The following SLC9B2 variants were observed in gnomAD, a reference collection of about 807,000 sequenced individuals.
SLC9B2 encodes sodium/hydrogen exchanger 9B2.
A neutral mutation model predicts 52.2 loss-of-function variants in SLC9B2; 39 were observed. The ratio of observed to expected loss-of-function variants is 0.75; its 90% CI spans 0.58 to 0.98. The LOEUF (loss-of-function observed/expected upper bound fraction) is 0.98. SLC9B2 is among the 50% of genes least tolerant of loss of function. SLC9B2 has a pLI of 0.00. For missense variants in SLC9B2, 626 were observed against 637.5 expected, an observed-to-expected ratio of 0.98 and a Z score of 0.19; for synonymous variants, 214 against 227.0, an observed-to-expected ratio of 0.94 and a Z score of 0.51.
intron 6 of SLC9B2, among the ~76,000 whole-genome samples, chr4:103,048,220 T>G (rs900829167): frequency 1.4e-4 from 22 of 152,200 alleles, no homozygotes; most frequent in African/African-American, 5.3e-4. Flanking sequence ...TTTACACGTA[T>G]TCACTAATTT....
Position 103,049,037 on chromosome 4 carries a change from G to A in SLC9B2, c.586-17C>T, listed in dbSNP as rs1162052715. On this transcript the variant is annotated splice_polypyrimidine_tract_variant and intron_variant, in intron 5 of 11. Coordinates refer to ENST00000394785, the MANE Select transcript of SLC9B2 (RefSeq NM_178833.7). ...CTTCAGGGCCTGAAATAGAAAAGTAGACATCCTAATATAATCCTCTGAAGA... is the reference window on the plus strand; with the variant it reads ...CTTCAGGGCCTGAAATAGAAAAGTAAACATCCTAATATAATCCTCTGAAGA... 6.8e-6 allele frequency: 11 copies of A among 1,611,674 alleles called. No individual in the cohort carries two copies. The highest frequency in any genetic ancestry group is 5.9e-6 in the Non-Finnish European group (7 of 1,178,794).
downstream of SLC9B2, chr4:103,020,033 G>C (rs1560535876): frequency 3.3e-6 from 2 of 603,824 alleles, no homozygotes; most frequent in Admixed American, 6.1e-5. Flanking sequence ...AGAAGAGCAC[G>C]GTCTCTCCCC....
chr4:103,055,994 C>T (rs543797230), intron 4 of SLC9B2, among the ~76,000 whole-genome samples: 8 of 151,550 alleles, frequency 5.3e-5, no homozygotes, highest in South Asian at 2.1e-4. Flanking sequence ...TTAGTAGAGA[C>T]GGGATTTTAC....
chr4:103,063,402 T>C (rs890463927), intron 3 of SLC9B2, among the ~76,000 whole-genome samples: 3 of 152,292 alleles, frequency 2.0e-5, no homozygotes, highest in Non-Finnish European at 4.4e-5. Context: ...TTGTCCCAGA[T>C]GATAATGGTA....
At position 103,024,910 on chromosome 4, in the gene SLC9B2, T is replaced by C. The variant is rs1394532346; in HGVS notation, c.*1460A>G. 2.0e-5 allele frequency among the ~76,000 whole-genome samples: 3 copies of C among 152,228 alleles called. No homozygotes were observed. The East Asian group carries it at 5.8e-4, about 29-fold the overall frequency. ...TTCTAATATTTTCTCTGCTGGCAAG[T>C]CACAATTTCTGAAATCCCTGCCATA... is the stretch of plus-strand genomic sequence containing the variant. On this transcript the variant is annotated 3_prime_UTR_variant, in exon 12 of 12. Coordinates refer to ENST00000394785, the MANE Select transcript of SLC9B2 (RefSeq NM_178833.7).
At position 103,067,596 on chromosome 4, in the gene SLC9B2, T is replaced by C. The variant is rs535506721; in HGVS notation, c.-42-4A>G. On this transcript the variant is annotated splice_region_variant and splice_polypyrimidine_tract_variant and intron_variant, in intron 1 of 11. Coordinates refer to ENST00000394785, the MANE Select transcript of SLC9B2 (RefSeq NM_178833.7). ...ACACAGGGAAGAGGAACGAGATCTGTTTTGAAAGAGTATAGATATAGAGCA... is the reference window on the plus strand; with the variant it reads ...ACACAGGGAAGAGGAACGAGATCTGCTTTGAAAGAGTATAGATATAGAGCA... 2.7e-5 allele frequency: 38 copies of C among 1,419,350 alleles called. No individual in the cohort carries two copies. Among genetic ancestry groups the C allele is most frequent in the Admixed American group, 2.5e-4 (15 of 59,558 alleles). 87.9% of individuals were successfully genotyped at this position (1,419,350 alleles called of 1,614,324 possible).
At chr4:103,051,572 T>C (rs1370839923) in intron 4 of SLC9B2, among the ~76,000 whole-genome samples, 1 of 152,156 alleles carries the variant, frequency 6.6e-6, no homozygotes, top group Non-Finnish European at 1.5e-5. Context: ...ACAGGCTTGG[T>C]TTTTGGAAGA....
At chr4:103,042,868 G>A (rs1743757844) in intron 9 of SLC9B2, among the ~76,000 whole-genome samples, 1 of 150,894 alleles carries the variant, frequency 6.6e-6, no homozygotes, top group Admixed American at 6.6e-5. Context: ...AGAATGTTAT[G>A]TTATCGTTTA....
intron 9 of SLC9B2, among the ~76,000 whole-genome samples, chr4:103,034,579 CT>C (rs879065859): frequency 6.6e-6 from 1 of 151,928 alleles, no homozygotes; most frequent in South Asian, 2.1e-4. Context: ...TGTCCAGAAT[CT>C]TTAAGAAACT....
intron 4 of SLC9B2, among the ~76,000 whole-genome samples, chr4:103,054,616 C>T (rs1236378141): frequency 6.6e-6 from 1 of 152,178 alleles, no homozygotes; most frequent in Non-Finnish European, 1.5e-5. Flanking sequence ...AATGAATAAA[C>T]GTGGGTGGGT....
At chr4:103,053,848 G>T (rs1429296849) in intron 4 of SLC9B2, among the ~76,000 whole-genome samples, 1 of 152,152 alleles carries the variant, frequency 6.6e-6, no homozygotes, top group Non-Finnish European at 1.5e-5. Context: ...GGCTACAGGT[G>T]TGGGCCAACC....
intron 4 of SLC9B2, among the ~76,000 whole-genome samples, chr4:103,054,853 A>G (rs1744985314): frequency 6.6e-6 from 1 of 152,216 alleles, no homozygotes; most frequent in South Asian, 2.1e-4. Context: ...ATCTAGAACT[A>G]GAAATACCAT....
Position 103,025,386 on chromosome 4 carries a change from A to T in SLC9B2, c.*984T>A, listed in dbSNP as rs1178397902. 1.3e-5 allele frequency: 2 copies of T among 152,210 alleles called. No individual in the cohort carries two copies. Among genetic ancestry groups the T allele is most frequent in the African/African-American group, 4.8e-5 (2 of 41,448 alleles). The allele number at this position is 152,210 out of a possible 1,614,324, so 9.4% of individuals were successfully genotyped here. A position where few individuals can be genotyped will look rare whatever the true frequency, so the allele number is the denominator to read the frequency against. On this transcript the variant is annotated 3_prime_UTR_variant, in exon 12 of 12. Coordinates refer to ENST00000394785, the MANE Select transcript of SLC9B2 (RefSeq NM_178833.7). The stretch of plus-strand genomic sequence containing the variant: ...ACCTCTGGCATAAATAGGTTAAGCC[A>T]TGTCCTAAGCTAGGGAATGGCAGAG...
chr4:103,070,449 T>C (rs904695171), intron 1 of SLC9B2, among the ~76,000 whole-genome samples: 3 of 152,220 alleles, frequency 2.0e-5, no homozygotes, highest in Non-Finnish European at 4.4e-5. Flanking sequence ...TGTTTGTTTG[T>C]TTGATTTTTG....
chr4:103,030,102 G>T (rs1742565302), intron 10 of SLC9B2, among the ~76,000 whole-genome samples: 1 of 152,224 alleles, frequency 6.6e-6, no homozygotes, highest in East Asian at 1.9e-4. Flanking sequence ...TTGAGAAGAG[G>T]ATGAGAAGGA....
At chr4:103,050,908 C>G (rs1419095728) in intron 4 of SLC9B2, among the ~76,000 whole-genome samples, 1 of 152,224 alleles carries the variant, frequency 6.6e-6, no homozygotes, top group Non-Finnish European at 1.5e-5. Flanking sequence ...TCTTCTTTCA[C>G]TCAGTCATTC....
In SLC9B2 at chr4:103,048,997, A is replaced by C. The variant is rs1219954167; in HGVS notation, c.609T>G (p.Val203=). The change falls in exon 6 of 12, where the codon GTT becomes GTG. Residue 203 remains valine, a synonymous_variant. Transcript: ENST00000394785. ...AGGGACCCATGGACAGTCTTACACAAACGCCCTTTAACTTCTTCAGGGCCT... is the reference window on the plus strand; with the variant it reads ...AGGGACCCATGGACAGTCTTACACACACGCCCTTTAACTTCTTCAGGGCCT... The part of the protein sequence containing the change: ...DSKALKKLKG[V]CVRLSMGPCI... 1.2e-6 allele frequency: 2 copies of C among 1,613,200 alleles called. No homozygotes were observed. Among genetic ancestry groups the C allele is most frequent in the Admixed American group, 3.3e-5 (2 of 59,958 alleles).
At chr4:103,073,705 C>T (rs1317547136) in intron 1 of SLC9B2, among the ~76,000 whole-genome samples, 3 of 151,984 alleles carry the variant, frequency 2.0e-5, no homozygotes, top group African/African-American at 7.3e-5. Flanking sequence ...AGGAAATTAC[C>T]CCTACATAAG....
At chr4:103,069,389 G>C (rs191568116) in intron 1 of SLC9B2, among the ~76,000 whole-genome samples, 1 of 152,302 alleles carries the variant, frequency 6.6e-6, no homozygotes, top group African/African-American at 2.4e-5. Context: ...GGCTGGGTTC[G>C]AATTTGGATA....
Sources: gnomAD v4.1 joint callset for allele counts (sites outside exome capture counted in the v4.1 genomes callset) on GRCh38, gnomAD v4.1.1 for gene constraint, MANE v1.5 for transcripts, NCBI Gene and HGNC (gene_info 2026-07-23, HGNC 2026-07-21) for gene names.